Variants in CPEB2 observed in about 807,000 individuals in gnomAD.
The protein encoded by CPEB2 is cytoplasmic polyadenylation element binding protein 2.
Under a neutral mutation model 93.6 loss-of-function variants are expected in CPEB2, and 56 were observed. The ratio of observed to expected loss-of-function variants is 0.60; its 90% CI spans 0.48 to 0.75. CPEB2 has a LOEUF of 0.75. Ranked by LOEUF, CPEB2 falls within the 30% of genes least tolerant of loss-of-function variation. The pLI is 0.00. For missense variants in CPEB2, 1,579 were observed against 1,395.1 expected, an observed-to-expected ratio of 1.13 and a Z score of -2.10; for synonymous variants, 764 against 586.3, an observed-to-expected ratio of 1.30 and a Z score of -4.38.
intron 1 of CPEB2, among the ~76,000 whole-genome samples, chr4:15,006,755 CAT>C (rs1233260102): frequency 6.6e-6 from 1 of 152,168 alleles, no homozygotes; most frequent in Non-Finnish European, 1.5e-5. Flanking sequence ...AGAAAAATGA[CAT>C]AGTTTCTATA....
Position 15,007,552 on chromosome 4 carries a change from C to T in CPEB2, c.1910C>T (p.Thr637Ile), listed in dbSNP as rs746507339. Residue 637 changes from threonine (T) to isoleucine (I), a missense_variant, in exon 2 of 12, where the codon ACA becomes ATA. This residue lies in a region of CPEB2 where 1,411 missense variants were observed against 1,056.0 expected (regional missense o/e 1.34). Coordinates refer to ENST00000538197, the MANE Select transcript of CPEB2 (RefSeq NM_001177382.2). ...KSWIEDNVFR[T>I]DNNSNTLLPL... ...TGGATTGAAGATAATGTGTTCAGAACAGACAACAATAGTAATACACTCTTA... is the reference window on the plus strand; with the variant it reads ...TGGATTGAAGATAATGTGTTCAGAATAGACAACAATAGTAATACACTCTTA... 1 of 1,610,948 alleles carries T rather than the reference C, an allele frequency of 6.2e-7. No individual in the cohort carries two copies. Among genetic ancestry groups the T allele is most frequent in the East Asian group, 2.2e-5 (1 of 44,822 alleles).
rs1489763268 is a variant in CPEB2, at chr4:15,004,305, G to A, written c.1632G>A (p.Leu544=). Residue 544 remains leucine (L), a synonymous_variant, in exon 1 of 12, where the codon CTG becomes CTA. Coordinates refer to ENST00000538197, the MANE Select transcript of CPEB2 (RefSeq NM_001177382.2). ...QQHQAAAAAF[L]QQRNSYNHHQ... is the part of the protein sequence containing the mutation. The stretch of plus-strand genomic sequence containing the variant: ...ACCAGGCGGCGGCCGCCGCCTTCCT[G>A]CAGCAGAGGAACTCCTATAACCACC... The A allele has an allele frequency of 2.7e-6, 4 of 1,491,674 alleles. No homozygotes were observed. The highest frequency in any genetic ancestry group is 3.5e-6 in the Non-Finnish European group (4 of 1,128,780). The allele number at this position is 1,491,674 out of a possible 1,614,324, so 92.4% of individuals were successfully genotyped here. A position where few individuals can be genotyped will look rare whatever the true frequency, so the allele number is the denominator to read the frequency against.
rs1722456525 is a variant in CPEB2 at position 15,004,202 on chromosome 4, A to G, written c.1529A>G (p.Gln510Arg). The G allele has an allele frequency of 6.8e-7, 1 of 1,479,642 alleles. No homozygotes were observed. The highest frequency in any genetic ancestry group is 8.9e-7 in the Non-Finnish European group (1 of 1,120,250). The allele number at this position is 1,479,642 out of a possible 1,614,324, so 91.7% of individuals were successfully genotyped here. A position where few individuals can be genotyped will look rare whatever the true frequency, so the allele number is the denominator to read the frequency against. Residue 510 changes from glutamine to arginine, a missense_variant, in exon 1 of 12, where the codon CAG becomes CGG. Around this residue, in one of 2 missense-constraint regions of CPEB2, gnomAD observed 1,411 missense variants for 1,056.0 expected, o/e 1.34. Transcript: ENST00000538197. ...PPPPAMNIPQ[Q>R]QPPPPAAPQQ... ...CCGCCCGCCATGAATATACCTCAAC[A>G]GCAGCCCCCGCCGCCCGCGGCGCCG...
intron 3 of CPEB2, among the ~76,000 whole-genome samples, chr4:15,010,938 T>G (rs778638559): frequency 6.6e-6 from 1 of 152,124 alleles, no homozygotes; most frequent in Non-Finnish European, 1.5e-5. Flanking sequence ...TTTTTATTTC[T>G]GTTAATATGT....
chr4:15,064,442 A>G (rs911266399), intron 11 of CPEB2, among the ~76,000 whole-genome samples: 1 of 152,092 alleles, frequency 6.6e-6, no homozygotes, highest in Non-Finnish European at 1.5e-5. Context: ...AATAATTGAA[A>G]TCATTGCATT....
chr4:15,004,726 C>G (rs1034205721), intron 1 of CPEB2, among the ~76,000 whole-genome samples: 2 of 151,852 alleles, frequency 1.3e-5, no homozygotes, highest in African/African-American at 4.8e-5. Flanking sequence ...CCGGGATCCG[C>G]CCTGTGCCCT....
chr4:15,062,062 T>G lies in CPEB2; in HGVS notation c.2696-17T>G. On this transcript the variant is annotated splice_polypyrimidine_tract_variant and intron_variant, in intron 10 of 11. Coordinates refer to ENST00000538197, the MANE Select transcript of CPEB2 (RefSeq NM_001177382.2). ...GTGTTCTCTCACATTTGATGTAAACTTCTTTTCCTTTTCAAGTGGAACTTG... is the reference window on the plus strand; with the variant it reads ...GTGTTCTCTCACATTTGATGTAAACGTCTTTTCCTTTTCAAGTGGAACTTG... The G allele has an allele frequency of 6.3e-7, 1 of 1,581,194 alleles. No homozygotes were observed. The highest frequency in any genetic ancestry group is 2.2e-5 in the East Asian group (1 of 44,508).
In CPEB2 at chr4:15,067,809, AC is replaced by A; in HGVS notation, c.*1430del. On this transcript the variant is annotated 3_prime_UTR_variant, in exon 12 of 12. Transcript: ENST00000538197. ...GGGGTCTTCTGTCTAAACTGGGGTC[AC>A]TGTTGCATGGAACATTGTTCTTAAT... 1 of 152,554 alleles carries A rather than the reference AC, an allele frequency of 6.6e-6. No homozygotes were observed. The highest frequency in any genetic ancestry group is 1.9e-4 in the East Asian group (1 of 5,154). 9.5% of individuals were successfully genotyped at this position (152,554 alleles called of 1,614,324 possible).
chr4:15,020,040 T>A (rs1202384199), intron 4 of CPEB2, among the ~76,000 whole-genome samples: 2 of 152,108 alleles, frequency 1.3e-5, no homozygotes, highest in Non-Finnish European at 2.9e-5. Flanking sequence ...TACACTCACA[T>A]GGCTGGATGT....
In CPEB2 at chr4:15,052,466, T is replaced by C; in HGVS notation, c.2253T>C (p.Ser751=). The C allele has an allele frequency of 1.3e-6, 2 of 1,592,014 alleles. No individual in the cohort carries two copies. The highest frequency in any genetic ancestry group is 2.3e-5 in the South Asian group (2 of 88,392). The part of the protein sequence containing the change: ...IDDGLLDDGH[S]DQVGVLNSPT... ...ATGGCTTGCTTGATGATGGTCACAG[T>C]GATCAAGTTGGAGTTTTAAATTCAC... The change falls in exon 7 of 12, where the codon AGT becomes AGC. Residue 751 remains serine (S), a synonymous_variant. Transcript: ENST00000538197.
chr4:15,013,574 C>T (rs1723757274), intron 3 of CPEB2, among the ~76,000 whole-genome samples: 1 of 151,998 alleles, frequency 6.6e-6, no homozygotes, highest in South Asian at 2.1e-4. Flanking sequence ...CAGAAGAATG[C>T]ATGAGTGTTT....
intron 3 of CPEB2, among the ~76,000 whole-genome samples, chr4:15,008,836 CTG>C (rs1723131002): frequency 6.6e-6 from 1 of 152,022 alleles, no homozygotes; most frequent in South Asian, 2.1e-4. Context: ...GTCATGAAGT[CTG>C]TATTTGTTTT....
chr4:15,005,421 C>T (rs1385179834), intron 1 of CPEB2, among the ~76,000 whole-genome samples: 2 of 152,230 alleles, frequency 1.3e-5, no homozygotes, highest in South Asian at 2.1e-4. Context: ...TTTTATTTTC[C>T]GGATCTTTTT....
intron 1 of CPEB2, 79 bp from the exon 2 acceptor site, chr4:15,007,226 C>T (rs1325581928): frequency 8.2e-7 from 1 of 1,217,198 alleles, no homozygotes; most frequent in Non-Finnish European, 1.1e-6. Flanking sequence ...CATATAAATT[C>T]TTAGGTCTGA....
intron 6 of CPEB2, among the ~76,000 whole-genome samples, chr4:15,048,346 A>G (rs1727908703): frequency 6.6e-6 from 1 of 151,602 alleles, no homozygotes; most frequent in Non-Finnish European, 1.5e-5. Context: ...CTAGGCCTGG[A>G]TTTTTCTCTG....
intron 4 of CPEB2, among the ~76,000 whole-genome samples, chr4:15,024,382 A>G (rs1322392103): frequency 2.6e-5 from 4 of 152,158 alleles, no homozygotes; most frequent in Admixed American, 1.3e-4. Flanking sequence ...CCTATATAAT[A>G]TGATAAGTCA....
chr4:15,011,613 A>G (rs992131402), intron 3 of CPEB2, among the ~76,000 whole-genome samples: 3 of 152,182 alleles, frequency 2.0e-5, no homozygotes, highest in Non-Finnish European at 2.9e-5. Context: ...CCTCGGCAAC[A>G]TAACAAGACA....
Position 15,054,230 on chromosome 4 carries a change from A to G in CPEB2, c.2461+13A>G, listed in dbSNP as rs753537368. On this transcript the variant is annotated intron_variant, in intron 8 of 11. Transcript: ENST00000538197. ...TTTCCACCAAAAGGTAAGGATTGTT[A>G]TTGTTAATATTTGCTAGGAAATTGG... 3 of 1,579,112 alleles carry G rather than the reference A, an allele frequency of 1.9e-6. No homozygotes were observed. The highest frequency in any genetic ancestry group is 2.6e-6 in the Non-Finnish European group (3 of 1,153,542).
At chr4:15,014,091 G>A (rs915843858) in intron 3 of CPEB2, among the ~76,000 whole-genome samples, 3 of 151,930 alleles carry the variant, frequency 2.0e-5, no homozygotes, top group African/African-American at 7.2e-5. Context: ...ATTTTACCAT[G>A]CTATAGAGCA....
Sources: allele counts gnomAD v4.1 joint callset (sites outside exome capture counted in the v4.1 genomes callset), GRCh38; gene constraint gnomAD v4.1.1; regional missense constraint gnomAD v4.1.1; transcripts MANE v1.5; gene names NCBI Gene and HGNC (gene_info 2026-07-23, HGNC 2026-07-21).